Variants in EMCN observed in about 807,000 individuals in gnomAD.
EMCN encodes MUC-14.
EMCN carries 37 observed loss-of-function variants against 38.4 expected under a neutral mutation model. The observed-to-expected ratio is 0.96, with a 90% CI of 0.74 to 1.27. The LOEUF is 1.27. EMCN is among the 50% of genes most tolerant of loss of function. The probability of loss-of-function intolerance (pLI) is 0.00; values close to 1 mark genes in which losing one functional copy is unlikely to be tolerated. For synonymous variants in EMCN, 95 were observed against 100.8 expected, an observed-to-expected ratio of 0.94 and a Z score of 0.35; for missense variants, 318 against 302.8, an observed-to-expected ratio of 1.05 and a Z score of -0.37.
At chr4:100,472,404 C>T (rs1216775949) in intron 3 of EMCN, among the ~76,000 whole-genome samples, 1 of 151,656 alleles carries the variant, frequency 6.6e-6, no homozygotes, top group Non-Finnish European at 1.5e-5. Flanking sequence ...ATAAATTTTA[C>T]AAAAATAAGT....
At chr4:100,512,747 A>C (rs921914833) in intron 1 of EMCN, among the ~76,000 whole-genome samples, 3 of 151,622 alleles carry the variant, frequency 2.0e-5, no homozygotes, top group Non-Finnish European at 4.4e-5. Context: ...CGGAAGTTGC[A>C]GTGAGCCAAT....
chr4:100,497,155 G>T (rs1729228428), intron 1 of EMCN, among the ~76,000 whole-genome samples: 1 of 140,456 alleles, frequency 7.1e-6, no homozygotes, highest in Non-Finnish European at 1.5e-5. Flanking sequence ...CCTATGACAA[G>T]AAAAAATTAT....
chr4:100,406,290 G>A (rs149633779), intron 11 of EMCN, among the ~76,000 whole-genome samples: 7 of 152,054 alleles, frequency 4.6e-5, no homozygotes, highest in Non-Finnish European at 1.0e-4. Flanking sequence ...GGATTAGTTT[G>A]TTCTTATTTG....
At chr4:100,472,887 G>A (rs969758675) in intron 3 of EMCN, among the ~76,000 whole-genome samples, 1 of 150,830 alleles carries the variant, frequency 6.6e-6, no homozygotes, top group South Asian at 2.1e-4. Context: ...TTTGATACTG[G>A]CATACATTCT....
intron 1 of EMCN, among the ~76,000 whole-genome samples, chr4:100,484,099 G>T (rs1356650566): frequency 6.6e-6 from 1 of 152,042 alleles, no homozygotes; most frequent in African/African-American, 2.4e-5. Flanking sequence ...GTACTACAAA[G>T]GATGAAGCAT....
intron 5 of EMCN, among the ~76,000 whole-genome samples, chr4:100,440,271 A>G (rs2110235920): frequency 6.6e-6 from 1 of 151,936 alleles, no homozygotes; most frequent in Non-Finnish European, 1.5e-5. Context: ...TTTGGGGTAC[A>G]AGTGGTTTTT....
chr4:100,438,409 T>C (rs1195436957), intron 5 of EMCN, among the ~76,000 whole-genome samples: 1 of 152,124 alleles, frequency 6.6e-6, no homozygotes, highest in African/African-American at 2.4e-5. Flanking sequence ...TTGTTATTTG[T>C]GTATGAAATG....
At chr4:100,472,910 G>A (rs1027652708) in intron 3 of EMCN, among the ~76,000 whole-genome samples, 10 of 149,428 alleles carry the variant, frequency 6.7e-5, no homozygotes, top group African/African-American at 2.2e-4. Flanking sequence ...AATAAATGTG[G>A]TTATGTTTTA....
Position 100,517,856 on chromosome 4 carries a change from C to A in EMCN, c.59G>T (p.Ser20Ile). 1 of 1,612,580 alleles carries A rather than the reference C, an allele frequency of 6.2e-7. No homozygotes were observed. The highest frequency in any genetic ancestry group is 8.5e-7 in the Non-Finnish European group (1 of 1,178,884). ...GGAATAAGAGACAAAAATACCTGTG[C>A]TGTTACTGCTGCAAATACTGGGCAG... ...FLLPSICSSN[S>I]TGVLEAANNS... Residue 20 changes from serine to isoleucine, a missense_variant, in exon 1 of 12, where the codon AGC becomes ATC. Physicochemically the swap from Ser to Ile is moderately radical, Grantham distance 142. Transcript: ENST00000296420.
intron 5 of EMCN, among the ~76,000 whole-genome samples, chr4:100,443,861 G>A (rs1258961419): frequency 6.6e-6 from 1 of 152,176 alleles, no homozygotes; most frequent in African/African-American, 2.4e-5. Context: ...GTAGAAAAAG[G>A]AGTTCTCTAG....
chr4:100,511,184 C>G (rs1197989978), intron 1 of EMCN, among the ~76,000 whole-genome samples: 1 of 152,156 alleles, frequency 6.6e-6, no homozygotes, highest in African/African-American at 2.4e-5. Context: ...TGAAGAGCAA[C>G]AGTCCTTGCT....
chr4:100,483,245 G>A (rs1340439157), intron 1 of EMCN: 1 of 152,026 alleles, frequency 6.6e-6, no homozygotes, highest in Non-Finnish European at 1.5e-5. Context: ...GCTCAAAAAG[G>A]GTAAACAGTT....
At chr4:100,401,660 A>C (rs114784883) in intron 11 of EMCN, among the ~76,000 whole-genome samples, 1 of 152,314 alleles carries the variant, frequency 6.6e-6, no homozygotes, top group Non-Finnish European at 1.5e-5. Flanking sequence ...TCAGGGCACC[A>C]TTAAGAAAAT....
In EMCN at chr4:100,484,924, T is replaced by C. The variant is rs553108612; in HGVS notation, c.65-4885A>G. 8.1e-4 allele frequency among the ~76,000 whole-genome samples: 124 copies of C among 152,298 alleles called. 1 individual carries two copies. The South Asian group carries it at 0.024, about 29-fold the overall frequency. ...TTACATGATATACAAAAATCTGTTTTTGTTTCTAATTATACTACTTGGGTA... is the reference window on the plus strand; with the variant it reads ...TTACATGATATACAAAAATCTGTTTCTGTTTCTAATTATACTACTTGGGTA... On this transcript the variant is annotated intron_variant, in intron 1 of 11. Transcript: ENST00000296420.
chr4:100,436,448 T>A (rs1223505862), intron 5 of EMCN, among the ~76,000 whole-genome samples: 2 of 152,146 alleles, frequency 1.3e-5, no homozygotes, highest in Non-Finnish European at 2.9e-5. Context: ...TGGAAGACAG[T>A]GTAGCAATTC....
intron 4 of EMCN, among the ~76,000 whole-genome samples, chr4:100,451,339 C>T (rs1465246379): frequency 2.6e-5 from 4 of 151,300 alleles, no homozygotes; most frequent in Non-Finnish European, 5.9e-5. Context: ...TAGTAGAGGT[C>T]CTTGATGAAT....
intron 10 of EMCN, among the ~76,000 whole-genome samples, chr4:100,415,356 A>G (rs1726697676): frequency 6.6e-6 from 1 of 152,234 alleles, no homozygotes; most frequent in African/African-American, 2.4e-5. Context: ...CACAAATCAT[A>G]CCTATATTTT....
intron 3 of EMCN, among the ~76,000 whole-genome samples, chr4:100,473,386 G>GTTTTTTTTTTTTTTT (rs58646995): frequency 6.1e-5 from 5 of 82,454 alleles, no homozygotes; most frequent in Admixed American, 2.0e-4. Context: ...TTTTTTTTTT[G>GTTTTTTTTTTTTTTT]TTTTTTTTTT....
chr4:100,453,733 T>C (rs1336614858), intron 4 of EMCN, among the ~76,000 whole-genome samples: 18 of 152,088 alleles, frequency 1.2e-4, no homozygotes, highest in African/African-American at 4.3e-4. Context: ...GTATGTTTAT[T>C]GTGGCACTAT....
Sources: gnomAD v4.1 joint callset for allele counts (sites outside exome capture counted in the v4.1 genomes callset) on GRCh38, gnomAD v4.1.1 for gene constraint, MANE v1.5 for transcripts, NCBI Gene and HGNC (gene_info 2026-07-23, HGNC 2026-07-21) for gene names.